ATP8B4: variants seen among roughly 807,000 people sequenced by gnomAD.
ATP8B4 encodes the protein ATPase phospholipid transporting 8B4 (putative), also known as probable phospholipid-transporting ATPase IM.
ATP8B4 carries 133 observed loss-of-function variants against 145.6 expected under a neutral mutation model. The ratio of observed to expected loss-of-function variants is 0.91; its 90% CI spans 0.79 to 1.05. ATP8B4 has a LOEUF of 1.05. Ranked by LOEUF, ATP8B4 falls within the 50% of genes least tolerant of loss-of-function variation. The pLI, the probability that ATP8B4 is intolerant of heterozygous loss-of-function variation, is 0.00. For missense variants in ATP8B4, 1,458 were observed against 1,425.2 expected (o/e 1.02, Z -0.37); for synonymous variants, 507 against 492.9 (o/e 1.03, Z -0.38).
At chr15:50,054,739 G>A (rs1296285333) in intron 3 of ATP8B4, among the ~76,000 whole-genome samples, 7 of 121,112 alleles carry the variant, frequency 5.8e-5, no homozygotes, top group South Asian at 5.6e-4. Context: ...AGCCGAGATC[G>A]TGCCACTGCA....
At chr15:50,141,009 T>C (rs1462301198) in intron 1 of ATP8B4, among the ~76,000 whole-genome samples, 1 of 152,164 alleles carries the variant, frequency 6.6e-6, no homozygotes, top group Non-Finnish European at 1.5e-5. Context: ...AACTCCATCA[T>C]GGAAGGAGCT....
At chr15:49,919,045 A>C in intron 18 of ATP8B4, 95 bp from the exon 19 acceptor site, 1 of 876,832 alleles carries the variant, frequency 1.1e-6, no homozygotes. Flanking sequence ...AGGCCAAAGA[A>C]TATTAATTGA....
intron 9 of ATP8B4, among the ~76,000 whole-genome samples, chr15:49,987,758 T>C (rs1346922198): frequency 1.3e-5 from 2 of 151,304 alleles, no homozygotes; most frequent in Admixed American, 6.6e-5. Context: ...ACTGTCCAAA[T>C]AAAAATAGAA....
Position 50,181,558 on chromosome 15 carries a change from A to G in ATP8B4, c.-43+703T>C, listed in dbSNP as rs564626275. On this transcript the variant is annotated intron_variant, in intron 1 of 3. Transcript: ENST00000558829. ...TTGATTTCAGGTGGTGCGGTGTAGC[A>G]CTGCTCTTCACGAAATCAGGACTCC... is the stretch of plus-strand genomic sequence containing the variant. 1.1e-4 allele frequency among the ~76,000 whole-genome samples: 16 copies of G among 152,342 alleles called. No individual in the cohort carries two copies. The South Asian group carries it at 2.1e-3, about 20-fold the overall frequency.
At chr15:50,001,530 T>C (rs1321437699) in intron 8 of ATP8B4, among the ~76,000 whole-genome samples, 8 of 152,208 alleles carry the variant, frequency 5.3e-5, no homozygotes, top group African/African-American at 1.9e-4. Flanking sequence ...GTCTGTACAA[T>C]AGGGCATAAT....
chr15:50,131,283 G>T (rs1033436554), intron 1 of ATP8B4, among the ~76,000 whole-genome samples: 2 of 152,150 alleles, frequency 1.3e-5, no homozygotes, highest in African/African-American at 4.8e-5. Context: ...TAATAGCTAT[G>T]CAGTACTTAA....
intron 1 of ATP8B4, among the ~76,000 whole-genome samples, chr15:50,150,339 C>A (rs1000193508): frequency 3.3e-5 from 5 of 152,158 alleles, no homozygotes; most frequent in Non-Finnish European, 5.9e-5. Flanking sequence ...CTCTGCATGG[C>A]CTACCCCAGA....
intron 14 of ATP8B4, among the ~76,000 whole-genome samples, chr15:49,946,551 G>A (rs951586205): frequency 3.3e-5 from 5 of 151,744 alleles, no homozygotes; most frequent in Non-Finnish European, 5.9e-5. Context: ...ATTTTCCTGT[G>A]AGCTTAAAGT....
At chr15:49,905,343 C>G (rs2038488723) in intron 20 of ATP8B4, among the ~76,000 whole-genome samples, 1 of 152,076 alleles carries the variant, frequency 6.6e-6, no homozygotes, top group African/African-American at 2.4e-5. Context: ...AAATGAACTC[C>G]CACTGAACTC....
intron 21 of ATP8B4, among the ~76,000 whole-genome samples, chr15:49,900,824 G>T (rs1018770721): frequency 3.3e-5 from 5 of 152,110 alleles, no homozygotes; most frequent in Non-Finnish European, 7.4e-5. Flanking sequence ...ACTGCTAAGT[G>T]GTCTATAGTC....
intron 14 of ATP8B4, among the ~76,000 whole-genome samples, chr15:49,956,104 C>T (rs1209016787): frequency 1.3e-5 from 2 of 152,128 alleles, no homozygotes. Context: ...GGATTACTGA[C>T]TTCTGGAATG....
At chr15:50,054,661 G>A (rs754363116) in intron 3 of ATP8B4, among the ~76,000 whole-genome samples, 1 of 151,764 alleles carries the variant, frequency 6.6e-6, no homozygotes, top group Non-Finnish European at 1.5e-5. Flanking sequence ...GCAGGTGCCT[G>A]TAGTCCCAGC....
chr15:50,119,728 A>G (rs978068627), upstream of ATP8B4, among the ~76,000 whole-genome samples: 1 of 150,630 alleles, frequency 6.6e-6, no homozygotes, highest in Non-Finnish European at 1.5e-5. Context: ...CAGAGATGAA[A>G]GAATCAGCAG....
chr15:50,074,062 A>T (rs1184189043), intron 3 of ATP8B4, 65 bp downstream of exon 3: 4 of 1,418,392 alleles, frequency 2.8e-6, no homozygotes, highest in East Asian at 2.3e-5. Context: ...TCTAGAAGAC[A>T]TGCATCCCAC....
At chr15:50,052,650 G>C (rs1003314967) in intron 3 of ATP8B4, among the ~76,000 whole-genome samples, 1 of 152,132 alleles carries the variant, frequency 6.6e-6, no homozygotes, top group African/African-American at 2.4e-5. Context: ...TGTCACACCA[G>C]TAGAGAACCC....
chr15:50,110,817 G>A (rs978652702), intron 1 of ATP8B4, among the ~76,000 whole-genome samples: 6 of 152,168 alleles, frequency 3.9e-5, no homozygotes, highest in African/African-American at 1.4e-4. Context: ...AGAGAGGAAT[G>A]TAGCAAATAA....
rs1191240738 is a variant in ATP8B4 at position 50,119,151 on chromosome 15, A to G, written c.-71T>C. ...AACCCAGACTTAATCCTCTCCCCCA[A>G]AAGGAAGATTTCTCAGCAGTGCAGG... On this transcript the variant is annotated 5_prime_UTR_variant, in exon 1 of 28. Coordinates refer to ENST00000284509, the MANE Select transcript of ATP8B4 (RefSeq NM_024837.4). 1.3e-5 allele frequency: 2 copies of G among 152,222 alleles called. No homozygotes were observed. The highest frequency in any genetic ancestry group is 2.4e-5 in the African/African-American group (1 of 41,444). 9.4% of individuals were successfully genotyped at this position (152,222 alleles called of 1,614,324 possible).
At chr15:49,893,044 G>A (rs1489079971) in intron 23 of ATP8B4, among the ~76,000 whole-genome samples, 4 of 152,176 alleles carry the variant, frequency 2.6e-5, no homozygotes, top group African/African-American at 9.7e-5. Context: ...TGCCCACAGG[G>A]AACTGGATGA....
At chr15:49,951,326 G>T (rs2043082393) in intron 14 of ATP8B4, among the ~76,000 whole-genome samples, 1 of 152,156 alleles carries the variant, frequency 6.6e-6, no homozygotes, top group Non-Finnish European at 1.5e-5. Flanking sequence ...TATTGTGTGG[G>T]AGTCTAAGTC....
Sources: allele counts gnomAD v4.1 joint callset (sites outside exome capture counted in the v4.1 genomes callset), GRCh38; gene constraint gnomAD v4.1.1; transcripts MANE v1.5; gene names NCBI Gene and HGNC (gene_info 2026-07-23, HGNC 2026-07-21).